The following AGBL1 variants were observed in gnomAD, a reference collection of about 807,000 sequenced individuals.
The protein encoded by AGBL1 is AGBL carboxypeptidase 1.
AGBL1 carries 130 observed loss-of-function variants against 118.9 expected under a neutral mutation model. That is an observed-to-expected ratio of 1.09 (90% CI 0.95 to 1.26). The LOEUF (loss-of-function observed/expected upper bound fraction) is 1.26. Ranked by LOEUF, AGBL1 falls within the 50% of genes most tolerant of loss-of-function variation. The probability of loss-of-function intolerance (pLI) is 0.00; values close to 1 mark genes in which losing one functional copy is unlikely to be tolerated. For synonymous variants in AGBL1, 555 were observed against 478.9 expected (o/e 1.16, Z -2.08); for missense variants, 1,584 against 1,298.1 (o/e 1.22, Z -3.38).
At chr15:86,521,455 T>C (rs530321936) in intron 18 of AGBL1, among the ~76,000 whole-genome samples, 2 of 152,164 alleles carry the variant, frequency 1.3e-5, no homozygotes, top group Non-Finnish European at 2.9e-5. Context: ...GCTCCTAGTC[T>C]AATTGGGAAG....
intron 18 of AGBL1, among the ~76,000 whole-genome samples, chr15:86,486,269 C>T (rs75727694): frequency 0.013 from 1,964 of 152,146 alleles, 20 homozygotes; most frequent in Non-Finnish European, 0.02. Context: ...TCTTGGCTTA[C>T]GATCCTTTTG....
chr15:86,734,333 T>C (rs1423911685), intron 22 of AGBL1, among the ~76,000 whole-genome samples: 1 of 152,078 alleles, frequency 6.6e-6, no homozygotes, highest in South Asian at 2.1e-4. Flanking sequence ...AGAGTGGTAA[T>C]GAAATAATAA....
intron 17 of AGBL1, among the ~76,000 whole-genome samples, chr15:86,396,158 TA>T (rs2081357907): frequency 6.8e-6 from 1 of 147,926 alleles, no homozygotes; most frequent in African/African-American, 2.5e-5. Context: ...TATATATATA[TA>T]TATAAAATCA....
intron 17 of AGBL1, among the ~76,000 whole-genome samples, chr15:86,321,776 C>CA (rs71144040): frequency 0.52 from 74,737 of 144,090 alleles, 19,120 homozygotes; most frequent in Middle Eastern, 0.6. Flanking sequence ...GACTCTGTCT[C>CA]AAAAAAAAAA....
intron 24 of AGBL1, among the ~76,000 whole-genome samples, chr15:87,021,440 A>C (rs978555374): frequency 2.6e-5 from 4 of 152,192 alleles, no homozygotes; most frequent in Non-Finnish European, 4.4e-5. Context: ...GCATGGGCAA[A>C]GATTTCATGA....
intron 22 of AGBL1, among the ~76,000 whole-genome samples, chr15:86,676,364 G>A (rs989017788): frequency 2.0e-5 from 3 of 152,130 alleles, no homozygotes; most frequent in Admixed American, 1.3e-4. Context: ...AAAACTGCAT[G>A]GTTGAGAGGG....
chr15:86,844,484 AT>A (rs1378693507), intron 22 of AGBL1, among the ~76,000 whole-genome samples: 11 of 152,220 alleles, frequency 7.2e-5, no homozygotes, highest in Admixed American at 7.2e-4. Context: ...ATCTTTTCTT[AT>A]GCCTGTTAGC....
intron 20 of AGBL1, among the ~76,000 whole-genome samples, chr15:86,551,681 A>G (rs1372199483): frequency 6.6e-6 from 1 of 152,194 alleles, no homozygotes; most frequent in Admixed American, 6.5e-5. Flanking sequence ...TAGAGGAGAA[A>G]CACTTGCCAA....
intron 21 of AGBL1, among the ~76,000 whole-genome samples, chr15:86,638,203 C>G (rs1228398084): frequency 6.6e-6 from 1 of 152,146 alleles, no homozygotes; most frequent in South Asian, 2.1e-4. Context: ...GTAGCCCAGT[C>G]AAGTTAAAGA....
chr15:86,090,363 C>A (rs1457507756), intron 1 of AGBL1, among the ~76,000 whole-genome samples: 1 of 151,966 alleles, frequency 6.6e-6, no homozygotes, highest in Non-Finnish European at 1.5e-5. Context: ...AGGAAAAATC[C>A]CCCTATTAGA....
chr15:86,777,903 G>A (rs934266349), intron 22 of AGBL1, among the ~76,000 whole-genome samples: 1 of 152,096 alleles, frequency 6.6e-6, no homozygotes. Context: ...ATTTTTAAAA[G>A]CTAATTATCG....
At chr15:86,279,360 T>A (rs1294706370) in intron 15 of AGBL1, among the ~76,000 whole-genome samples, 1 of 152,162 alleles carries the variant, frequency 6.6e-6, no homozygotes, top group Non-Finnish European at 1.5e-5. Context: ...TATATAGCCC[T>A]CATTTTCAGA....
At chr15:86,199,971 T>C (rs1216110221) in intron 5 of AGBL1, among the ~76,000 whole-genome samples, 2 of 152,160 alleles carry the variant, frequency 1.3e-5, no homozygotes, top group East Asian at 3.9e-4. Flanking sequence ...TGCACAACTG[T>C]CCTGTTTGCA....
Position 86,124,848 on chromosome 15 carries a change from C to T in AGBL1, c.52-17156C>T, listed in dbSNP as rs953698048. ...TTATGTAATTATGTATACAGTCGCT[C>T]GCAACAGTCTATATAATGGCAGGGC... On this transcript the variant is annotated intron_variant, in intron 1 of 22. Transcript: ENST00000614907. Among the ~76,000 whole-genome samples, 7 of 152,212 alleles carry T rather than the reference C, an allele frequency of 4.6e-5. No individual in the cohort carries two copies. In the East Asian group the frequency reaches 5.8e-4, roughly 13 times the overall value.
At chr15:86,147,607 G>A (rs1396714369) in intron 3 of AGBL1, among the ~76,000 whole-genome samples, 1 of 152,184 alleles carries the variant, frequency 6.6e-6, no homozygotes, top group Non-Finnish European at 1.5e-5. Flanking sequence ...AAGCCGGGAA[G>A]CTCCAACTGG....
intron 22 of AGBL1, among the ~76,000 whole-genome samples, chr15:86,887,157 G>C (rs1219700283): frequency 6.6e-6 from 1 of 152,056 alleles, no homozygotes; most frequent in Non-Finnish European, 1.5e-5. Flanking sequence ...AAATAATAAG[G>C]TACATATATG....
chr15:86,082,421 T>A (rs924605548), intron 1 of AGBL1, among the ~76,000 whole-genome samples: 2 of 152,176 alleles, frequency 1.3e-5, no homozygotes, highest in African/African-American at 4.8e-5. Context: ...AAGCAGTGAA[T>A]AAGTTTGAAC....
intron 1 of AGBL1, among the ~76,000 whole-genome samples, chr15:86,097,046 T>G (rs557626326): frequency 2.6e-5 from 4 of 152,296 alleles, no homozygotes; most frequent in Non-Finnish European, 5.9e-5. Context: ...ACCTGCAGAC[T>G]CACTTCTAGA....
At chr15:86,764,790 G>A (rs1183692103) in intron 22 of AGBL1, among the ~76,000 whole-genome samples, 2 of 152,000 alleles carry the variant, frequency 1.3e-5, no homozygotes, top group African/African-American at 4.8e-5. Context: ...AACATCTTGG[G>A]CGTGAACATT....
Sources: gnomAD v4.1 joint callset for allele counts (sites outside exome capture counted in the v4.1 genomes callset) on GRCh38, gnomAD v4.1.1 for gene constraint, MANE v1.5 for transcripts, NCBI Gene and HGNC (gene_info 2026-07-23, HGNC 2026-07-21) for gene names.